Variants in NDUFA10 observed in about 807,000 individuals in gnomAD.
NDUFA10 encodes NADH:ubiquinone oxidoreductase subunit A10, also known as NADH dehydrogenase [ubiquinone] 1 alpha subcomplex subunit 10, mitochondrial.
NDUFA10 carries 40 observed loss-of-function variants against 47.8 expected under a neutral mutation model. The ratio of observed to expected loss-of-function variants is 0.84; its 90% CI spans 0.65 to 1.09. The LOEUF (loss-of-function observed/expected upper bound fraction) is 1.09, where lower values mean the gene tolerates loss of function less well. Among genes scored for constraint, NDUFA10 ranks in the 50% least tolerant of loss-of-function variants. The probability of loss-of-function intolerance (pLI) is 0.00; values close to 1 mark genes in which losing one functional copy is unlikely to be tolerated. For missense variants in NDUFA10, 413 were observed against 451.1 expected, an observed-to-expected ratio of 0.92 and a Z score of 0.76; for synonymous variants, 183 against 172.2, an observed-to-expected ratio of 1.06 and a Z score of -0.49.
chr2:239,968,229 C>A (rs1017006717), intron 9 of NDUFA10, among the ~76,000 whole-genome samples: 1 of 152,184 alleles, frequency 6.6e-6, no homozygotes, highest in African/African-American at 2.4e-5. Context: ...GCTTCAGGTG[C>A]AGACAGCATG....
At chr2:239,979,278 G>A (rs1695668549) in intron 9 of NDUFA10, among the ~76,000 whole-genome samples, 1 of 144,846 alleles carries the variant, frequency 6.9e-6, no homozygotes, top group African/African-American at 2.6e-5. Flanking sequence ...CCACCCAGCT[G>A]CCACTACCTG....
At chr2:239,962,718 C>T (rs1574815562) in intron 9 of NDUFA10, among the ~76,000 whole-genome samples, 1 of 152,246 alleles carries the variant, frequency 6.6e-6, no homozygotes, top group Middle Eastern at 3.4e-3. Context: ...AAGCATGGTG[C>T]CAGCATCTGC....
chr2:239,916,316 TACAC>T (rs1693879282), intron 4 of NDUFA10, among the ~76,000 whole-genome samples: 1 of 146,214 alleles, frequency 6.8e-6, no homozygotes, highest in Non-Finnish European at 1.5e-5. Context: ...CAGACACAGA[TACAC>T]AAACATACAC....
chr2:239,984,147 C>T lies in NDUFA10; in HGVS notation c.999+5927G>A, dbSNP rs147666016. Among the ~76,000 whole-genome samples, 1,372 of 151,866 alleles carry T rather than the reference C, an allele frequency of 9.0e-3. 16 individuals are homozygous for T. The highest frequency in any genetic ancestry group is 0.031 in the African/African-American group (1,274 of 41,368). On this transcript the variant is annotated intron_variant, in intron 9 of 9. Coordinates refer to ENST00000252711, the MANE Select transcript of NDUFA10 (RefSeq NM_004544.4). The stretch of plus-strand genomic sequence containing the variant: ...ACTTAGGAGGCTGAGGCACAAGAAT[C>T]GCTTAAACCCGGGAGGTGGAGGTTA...
intron 4 of NDUFA10, among the ~76,000 whole-genome samples, chr2:239,949,476 T>C (rs1257833508): frequency 2.0e-5 from 3 of 152,136 alleles, no homozygotes; most frequent in Non-Finnish European, 4.4e-5. Context: ...AACAGAAAGG[T>C]GGTGGAAGAA....
chr2:239,969,515 A>C (rs574958763), intron 9 of NDUFA10: 31 of 380,708 alleles, frequency 8.1e-5, no homozygotes, highest in Non-Finnish European at 7.4e-5. Context: ...TGGAGCACAG[A>C]AGAGCTTCTG....
chr2:240,012,708 T>C (rs1697188832), intron 5 of NDUFA10: 1 of 152,242 alleles, frequency 6.6e-6, no homozygotes, highest in Non-Finnish European at 1.5e-5. Context: ...TCAAAGAATA[T>C]TTACTGAACA....
intron 5 of NDUFA10, among the ~76,000 whole-genome samples, chr2:239,895,030 A>G (rs1344788383): frequency 6.6e-6 from 1 of 152,138 alleles, no homozygotes; most frequent in African/African-American, 2.4e-5. Flanking sequence ...CCAGTTTCCC[A>G]GTCTCTCCTT....
chr2:240,010,829 A>G (rs1196304077), intron 6 of NDUFA10, among the ~76,000 whole-genome samples: 1 of 151,684 alleles, frequency 6.6e-6, no homozygotes, highest in African/African-American at 2.4e-5. Context: ...TAAAAATAAA[A>G]CTTTTTTTCT....
chr2:239,914,205 T>C (rs199965502), intron 4 of NDUFA10, among the ~76,000 whole-genome samples: 2 of 127,598 alleles, frequency 1.6e-5, no homozygotes, highest in African/African-American at 3.7e-5. Flanking sequence ...CACACAAATA[T>C]AGACACACAC....
chr2:239,943,176 T>C (rs1694389869), intron 4 of NDUFA10: 1 of 154,416 alleles, frequency 6.5e-6, no homozygotes, highest in South Asian at 2.0e-4. Flanking sequence ...GCCAGAGGCA[T>C]TGCAAGACTC....
At chr2:239,951,356 C>T (rs1344372414) in intron 4 of NDUFA10, among the ~76,000 whole-genome samples, 2 of 152,198 alleles carry the variant, frequency 1.3e-5, no homozygotes, top group Non-Finnish European at 1.5e-5. Flanking sequence ...GGGGGAGAGA[C>T]GCAGACATTG....
chr2:240,005,209 C>G lies in NDUFA10; in HGVS notation c.890+1G>C. ...AGCAGCCCCCACACAGATGCACTTA[C>G]AGTAATCGCAGGTGGTATAAAGTGC... On this transcript the variant is annotated splice_donor_variant, in intron 8 of 9. Transcript: ENST00000252711. LOFTEE classifies it high-confidence loss of function. The G allele has an allele frequency of 1.2e-6, 2 of 1,613,134 alleles. No homozygotes were observed. The highest frequency in any genetic ancestry group is 1.7e-6 in the Non-Finnish European group (2 of 1,179,150).
chr2:239,983,627 G>A (rs747722019), intron 9 of NDUFA10: 1 of 1,587,258 alleles, frequency 6.3e-7, no homozygotes, highest in Non-Finnish European at 8.6e-7. Flanking sequence ...CCCACGGTCA[G>A]GGCCACGGTG....
chr2:240,022,406 T>G (rs918762034), intron 1 of NDUFA10, 66 bp from the exon 2 acceptor site: 2 of 1,607,180 alleles, frequency 1.2e-6, no homozygotes, highest in African/African-American at 2.7e-5. Flanking sequence ...CATTAGTAAC[T>G]ATTAGGTAAA....
intron 6 of NDUFA10, among the ~76,000 whole-genome samples, chr2:240,011,128 G>T: frequency 6.6e-6 from 1 of 152,146 alleles, no homozygotes; most frequent in East Asian, 1.9e-4. Flanking sequence ...GAAAGAAAGG[G>T]GGAAAAGAAA....
At chr2:239,995,506 G>C (rs1696437578) in intron 8 of NDUFA10, among the ~76,000 whole-genome samples, 1 of 152,144 alleles carries the variant, frequency 6.6e-6, no homozygotes, top group Non-Finnish European at 1.5e-5. Context: ...CTTATAAAAT[G>C]CTCAATGAAA....
intron 5 of NDUFA10, among the ~76,000 whole-genome samples, chr2:239,894,800 C>A (rs1005116979): frequency 1.3e-5 from 2 of 152,218 alleles, no homozygotes; most frequent in African/African-American, 4.8e-5. Flanking sequence ...TTGATAATGT[C>A]ATATCTTTTT....
intron 4 of NDUFA10, among the ~76,000 whole-genome samples, chr2:239,951,729 C>T (rs1694556223): frequency 6.6e-6 from 1 of 152,256 alleles, no homozygotes; most frequent in African/African-American, 2.4e-5. Flanking sequence ...CTTCCTTGTT[C>T]ATTCCTAAAA....
Sources: allele counts gnomAD v4.1 joint callset (sites outside exome capture counted in the v4.1 genomes callset), GRCh38; gene constraint gnomAD v4.1.1; transcripts MANE v1.5; gene names NCBI Gene and HGNC (gene_info 2026-07-23, HGNC 2026-07-21).